HECTD2: variants seen among roughly 807,000 people sequenced by gnomAD.
HECTD2 encodes the protein probable E3 ubiquitin-protein ligase HECTD2.
Under a neutral mutation model 103.2 loss-of-function variants are expected in HECTD2, and 35 were observed. That is an observed-to-expected ratio of 0.34 (90% CI 0.26 to 0.45). HECTD2 has a LOEUF of 0.45. HECTD2 is among the 20% of genes least tolerant of loss of function. HECTD2 has a pLI of 1.00. For missense variants in HECTD2, 596 were observed against 937.4 expected (o/e 0.64, Z 4.76); for synonymous variants, 281 against 329.9 (o/e 0.85, Z 1.61).
chr10:91,455,073 G>T (rs1000900559), intron 2 of HECTD2, among the ~76,000 whole-genome samples: 1 of 151,510 alleles, frequency 6.6e-6, no homozygotes, highest in African/African-American at 2.4e-5. Flanking sequence ...AAAATCCTTT[G>T]AATATATACC....
chr10:91,428,802 A>T, intron 2 of HECTD2, among the ~76,000 whole-genome samples: 1 of 152,106 alleles, frequency 6.6e-6, no homozygotes, highest in Non-Finnish European at 1.5e-5. Context: ...TTTTCTAGAT[A>T]TACAATCATG....
intron 2 of HECTD2, among the ~76,000 whole-genome samples, chr10:91,430,640 T>C (rs1328547313): frequency 1.3e-5 from 2 of 152,178 alleles, no homozygotes; most frequent in African/African-American, 2.4e-5. Context: ...GTAATGGCCT[T>C]CTTTGTCTCT....
rs988985350 is a variant in HECTD2, at chr10:91,483,703, A to C, written c.821+627A>C. 4.6e-5 allele frequency among the ~76,000 whole-genome samples: 7 copies of C among 152,136 alleles called. No individual in the cohort carries two copies. The East Asian group carries it at 1.3e-3, about 29-fold the overall frequency. ...CCACAAACATGGAATTAATAAATACAGAACCATTGCTTCAAGGGGAAATAC... is the reference window on the plus strand; with the variant it reads ...CCACAAACATGGAATTAATAAATACCGAACCATTGCTTCAAGGGGAAATAC... On this transcript the variant is annotated intron_variant, in intron 8 of 20. Transcript: ENST00000298068.
At chr10:91,455,303 G>C (rs1053807577) in intron 2 of HECTD2, among the ~76,000 whole-genome samples, 2 of 152,110 alleles carry the variant, frequency 1.3e-5, no homozygotes, top group Non-Finnish European at 2.9e-5. Context: ...GTTTTGATTT[G>C]CATTTCTCTG....
intron 1 of HECTD2, among the ~76,000 whole-genome samples, 170 bp downstream of exon 1, chr10:91,410,746 C>G (rs2132946214): frequency 6.6e-6 from 1 of 152,272 alleles, no homozygotes; most frequent in East Asian, 1.9e-4. Flanking sequence ...AGTTGTGCCT[C>G]GTGGACAGCC....
chr10:91,463,866 G>A (rs1205128898), intron 5 of HECTD2, among the ~76,000 whole-genome samples: 1 of 152,120 alleles, frequency 6.6e-6, no homozygotes, highest in Non-Finnish European at 1.5e-5. Flanking sequence ...CAACCACTTT[G>A]GAAAAATACT....
chr10:91,449,595 A>G (rs907844509), intron 2 of HECTD2, among the ~76,000 whole-genome samples: 3 of 152,184 alleles, frequency 2.0e-5, no homozygotes, highest in African/African-American at 4.8e-5. Flanking sequence ...GAAGAGAGGA[A>G]GTCAAATCAT....
chr10:91,485,198 T>C lies in HECTD2; in HGVS notation c.989T>C (p.Val330Ala). The change falls in exon 10 of 21, where the codon GTT becomes GCT. Residue 330 changes from valine (V) to alanine (A), a missense_variant. This residue lies in a region of HECTD2 where 303 missense variants were observed against 522.5 expected (regional missense o/e 0.58). Coordinates refer to ENST00000298068, the MANE Select transcript of HECTD2 (RefSeq NM_182765.6). Reference sequence around the variant, plus strand: ...TTTACAGATACTGCAAACAATTTAGTTCACCCTCCCCTTATTCCTTATACT... The same window carrying C: ...TTTACAGATACTGCAAACAATTTAGCTCACCCTCCCCTTATTCCTTATACT... Reference protein sequence around the residue: ...LALLNTANNLVHPPLIPYTDF... With the variant: ...LALLNTANNLAHPPLIPYTDF... 6.4e-7 allele frequency: 1 copy of C among 1,559,232 alleles called. No homozygotes were observed. The highest frequency in any genetic ancestry group is 1.2e-5 in the South Asian group (1 of 85,384).
intron 5 of HECTD2, among the ~76,000 whole-genome samples, chr10:91,473,508 G>A (rs1414748492): frequency 6.6e-6 from 1 of 152,110 alleles, no homozygotes; most frequent in Non-Finnish European, 1.5e-5. Context: ...TGATGAAAAA[G>A]AAATTCATAA....
intron 2 of HECTD2, among the ~76,000 whole-genome samples, chr10:91,432,575 T>G (rs1024403256): frequency 6.6e-6 from 1 of 151,974 alleles, no homozygotes; most frequent in Non-Finnish European, 1.5e-5. Context: ...TCTTCCTTTC[T>G]AAAGTTATGA....
intron 13 of HECTD2, 76 bp from the exon 14 acceptor site, chr10:91,493,344 G>A: frequency 1.5e-6 from 1 of 660,842 alleles, no homozygotes; most frequent in Non-Finnish European, 2.5e-6. Context: ...TAGATGAGAT[G>A]TCATGTACAT....
chr10:91,421,590 A>C (rs1380675734), intron 1 of HECTD2, among the ~76,000 whole-genome samples: 2 of 152,236 alleles, frequency 1.3e-5, no homozygotes, highest in African/African-American at 4.8e-5. Flanking sequence ...GGCTGCATGC[A>C]CCCTGGGGGC....
At chr10:91,507,803 C>T (rs1329385709) in intron 20 of HECTD2, among the ~76,000 whole-genome samples, 2 of 122,064 alleles carry the variant, frequency 1.6e-5, no homozygotes, top group South Asian at 2.8e-4. Context: ...AAAAAGAGCC[C>T]GCATCGCCAA....
rs374313125 is a variant in HECTD2, at chr10:91,499,191, G to A, written c.1950+41G>A. ...TAAATCAAGCTTTCGGTTAGCTTTT[G>A]TAGTACTATCATGTTAACAAATAAT... On this transcript the variant is annotated intron_variant, in intron 18 of 20. Coordinates refer to ENST00000298068, the MANE Select transcript of HECTD2 (RefSeq NM_182765.6). 6 of 1,085,772 alleles carry A rather than the reference G, an allele frequency of 5.5e-6. No individual in the cohort carries two copies. The African/African-American group carries it at 9.3e-5, about 17-fold the overall frequency. 67.3% of individuals were successfully genotyped at this position (1,085,772 alleles called of 1,614,324 possible). A position where few individuals can be genotyped will look rare whatever the true frequency, so the allele number is the denominator to read the frequency against.
Position 91,485,164 on chromosome 10 carries a change from G to C in HECTD2, c.971-16G>C. 6.7e-7 allele frequency: 1 copy of C among 1,502,280 alleles called. No homozygotes were observed. 93.1% of individuals were successfully genotyped at this position (1,502,280 alleles called of 1,614,324 possible). A position where few individuals can be genotyped will look rare whatever the true frequency, so the allele number is the denominator to read the frequency against. On this transcript the variant is annotated splice_polypyrimidine_tract_variant and intron_variant, in intron 9 of 20. Coordinates refer to ENST00000298068, the MANE Select transcript of HECTD2 (RefSeq NM_182765.6). ...CATGTTGGAAAAAGTCTTTATGTTA[G>C]AATTTATCTTTACAGATACTGCAAA...
intron 10 of HECTD2, chr10:91,486,249 GA>G (rs1427235882): frequency 6.6e-6 from 1 of 152,076 alleles, no homozygotes; most frequent in Non-Finnish European, 1.5e-5. Flanking sequence ...TGAACACTCA[GA>G]ACTGAATAAG....
intron 1 of HECTD2, among the ~76,000 whole-genome samples, chr10:91,422,691 A>G (rs1406252986): frequency 1.3e-5 from 2 of 152,146 alleles, no homozygotes; most frequent in African/African-American, 4.8e-5. Context: ...TAATTTACCA[A>G]TATTATGCAA....
intron 1 of HECTD2, among the ~76,000 whole-genome samples, chr10:91,420,938 G>A (rs1332974379): frequency 6.6e-6 from 1 of 152,134 alleles, no homozygotes; most frequent in Non-Finnish European, 1.5e-5. Flanking sequence ...GCAATGCTAT[G>A]GGGACCATGA....
At position 91,478,023 on chromosome 10, in the gene HECTD2, C is replaced by A. The variant is rs149453116; in HGVS notation, c.601-178C>A. On this transcript the variant is annotated intron_variant, in intron 5 of 20. Coordinates refer to ENST00000298068, the MANE Select transcript of HECTD2 (RefSeq NM_182765.6). ...ATACCAGGGATACTCTTACTGTAAT[C>A]TTATGTCATTGATGCTCTCTAGAGT... Among the ~76,000 whole-genome samples the A allele has an allele frequency of 8.5e-5, 13 of 152,256 alleles. No individual in the cohort carries two copies. The East Asian group carries it at 2.3e-3, about 27-fold the overall frequency.
Sources: gnomAD v4.1 joint callset for allele counts (sites outside exome capture counted in the v4.1 genomes callset) on GRCh38, gnomAD v4.1.1 for gene constraint, gnomAD v4.1.1 regional missense constraint, MANE v1.5 for transcripts, NCBI Gene and HGNC (gene_info 2026-07-23, HGNC 2026-07-21) for gene names.